C4orf51: variants seen among roughly 807,000 people sequenced by gnomAD.
C4orf51 encodes the protein uncharacterized protein C4orf51.
A neutral mutation model predicts 25.2 loss-of-function variants in C4orf51; 25 were observed. That is an observed-to-expected ratio of 0.99 (90% CI 0.72 to 1.39). The LOEUF (loss-of-function observed/expected upper bound fraction) is 1.39. C4orf51 is among the 40% of genes most tolerant of loss of function. The pLI is 0.00. For synonymous variants in C4orf51, 100 were observed against 84.5 expected, an observed-to-expected ratio of 1.18 and a Z score of -1.01; for missense variants, 252 against 239.6, an observed-to-expected ratio of 1.05 and a Z score of -0.34.
chr4:145,702,721 A>G (rs534326876), intron 2 of C4orf51, among the ~76,000 whole-genome samples: 170 of 152,344 alleles, frequency 1.1e-3, no homozygotes, highest in African/African-American at 3.8e-3. Context: ...CAGATGTCCT[A>G]GGTCCTCCCA....
At chr4:145,690,243 C>T (rs1407579982) in intron 1 of C4orf51, among the ~76,000 whole-genome samples, 2 of 151,966 alleles carry the variant, frequency 1.3e-5, no homozygotes, top group South Asian at 2.1e-4. Flanking sequence ...CGGTGGCTAA[C>T]GTCTGTAATC....
chr4:145,777,988 G>A, the C4orf51 span, among the ~76,000 whole-genome samples: 2 of 152,030 alleles, frequency 1.3e-5, no homozygotes, highest in Non-Finnish European at 2.9e-5. Flanking sequence ...CTCAGAGAAT[G>A]TGACCTTATA....
intron 2 of C4orf51, among the ~76,000 whole-genome samples, chr4:145,709,470 G>A (rs983505185): frequency 6.6e-6 from 1 of 152,204 alleles, no homozygotes; most frequent in African/African-American, 2.4e-5. Context: ...TAAATCTCAG[G>A]GGATACCTGC....
At chr4:145,724,409 A>G (rs1244389963) in intron 2 of C4orf51, among the ~76,000 whole-genome samples, 1 of 152,228 alleles carries the variant, frequency 6.6e-6, no homozygotes, top group Non-Finnish European at 1.5e-5. Flanking sequence ...CTTTAAAAAA[A>G]AAAAGTTTAT....
intron 3 of C4orf51, among the ~76,000 whole-genome samples, chr4:145,727,245 T>C (rs978524690): frequency 6.6e-6 from 1 of 152,110 alleles, no homozygotes; most frequent in African/African-American, 2.4e-5. Flanking sequence ...AAATTATATA[T>C]AATATACTGG....
At chr4:145,725,507 A>G (rs1399769960) in intron 2 of C4orf51, among the ~76,000 whole-genome samples, 1 of 152,240 alleles carries the variant, frequency 6.6e-6, no homozygotes, top group African/African-American at 2.4e-5. Flanking sequence ...AGCATTATCC[A>G]TAGCAGCCAA....
chr4:145,700,284 AC>A, intron 2 of C4orf51, among the ~76,000 whole-genome samples: 1 of 146,988 alleles, frequency 6.8e-6, no homozygotes. Flanking sequence ...CCGTGCCCTG[AC>A]CCCCCTCCCT....
intron 2 of C4orf51, among the ~76,000 whole-genome samples, chr4:145,711,359 A>G (rs961755601): frequency 6.6e-6 from 1 of 152,180 alleles, no homozygotes; most frequent in African/African-American, 2.4e-5. Context: ...TGGGGCTCTA[A>G]CAGCTCGCCT....
chr4:145,791,832 A>T, the C4orf51 span, among the ~76,000 whole-genome samples: 1 of 152,356 alleles, frequency 6.6e-6, no homozygotes, highest in African/African-American at 2.4e-5. Context: ...CTCATTTTAT[A>T]GATGAGACAA....
At position 145,688,936 on chromosome 4, in the gene C4orf51, C is replaced by A. The variant is rs139254764; in HGVS notation, c.234-7623C>A. ...ACAAAAAGGTGAGGTCTTGTTCTAC[C>A]AACAACAAACATATTATAAAGCTTC... On this transcript the variant is annotated intron_variant, in intron 1 of 5. Coordinates refer to ENST00000438731, the MANE Select transcript of C4orf51 (RefSeq NM_001080531.3). Among the ~76,000 whole-genome samples, 781 of 152,162 alleles carry A rather than the reference C, an allele frequency of 5.1e-3. 3 individuals are homozygous for A. The highest frequency in any genetic ancestry group is 0.017 in the African/African-American group (717 of 41,512).
chr4:145,760,397 T>C (rs1734320304), intron 1 of C4orf51: 1 of 152,822 alleles, frequency 6.5e-6, no homozygotes, highest in South Asian at 2.1e-4. Flanking sequence ...TGCACCAGTA[T>C]ATAAGCTTAC....
At chr4:145,741,352 A>G (rs1733086563) in intron 1 of C4orf51, among the ~76,000 whole-genome samples, 1 of 152,042 alleles carries the variant, frequency 6.6e-6, no homozygotes, top group African/African-American at 2.4e-5. Flanking sequence ...TTTTATTTTA[A>G]AACTTTTTTG....
chr4:145,723,387 G>A (rs1270280697), intron 2 of C4orf51, among the ~76,000 whole-genome samples: 1 of 151,950 alleles, frequency 6.6e-6, no homozygotes, highest in East Asian at 1.9e-4. Context: ...TGACAGGCAG[G>A]TGGGAGATGA....
the C4orf51 span, among the ~76,000 whole-genome samples, chr4:145,781,068 C>T: frequency 2.6e-5 from 4 of 151,672 alleles, no homozygotes; most frequent in Admixed American, 6.6e-5. Flanking sequence ...TGGTGGCGGG[C>T]GCCTGAAATC....
downstream of C4orf51, among the ~76,000 whole-genome samples, chr4:145,735,318 A>C (rs1732748349): frequency 6.6e-6 from 1 of 152,214 alleles, no homozygotes; most frequent in African/African-American, 2.4e-5. Context: ...GCAAAATAGT[A>C]GACTTTGCAT....
At chr4:145,697,479 T>C (rs540034683) in intron 2 of C4orf51, among the ~76,000 whole-genome samples, 3 of 152,368 alleles carry the variant, frequency 2.0e-5, no homozygotes, top group East Asian at 1.9e-4. Flanking sequence ...ATTCATCTTA[T>C]AACTGAAAGT....
At chr4:145,696,475 T>G in intron 1 of C4orf51, 84 bp from the exon 2 acceptor site, 1 of 1,120,356 alleles carries the variant, frequency 8.9e-7, no homozygotes, top group Non-Finnish European at 1.3e-6. Flanking sequence ...AAAAGATGAA[T>G]GGAAATCCCT....
At chr4:145,751,952 C>T (rs562086012) in intron 1 of C4orf51, among the ~76,000 whole-genome samples, 19 of 152,272 alleles carry the variant, frequency 1.2e-4, no homozygotes, top group Admixed American at 6.5e-4. Flanking sequence ...TGGTGGGTAC[C>T]GCCAGGTGAC....
chr4:145,690,131 C>A lies in C4orf51; in HGVS notation c.234-6428C>A, dbSNP rs187160896. 1.5e-3 allele frequency among the ~76,000 whole-genome samples: 232 copies of A among 151,042 alleles called. 1 individual carries two copies. Among genetic ancestry groups the A allele is most frequent in the African/African-American group, 5.4e-3 (222 of 41,080 alleles). ...CTGAGGCAGGAGAATCACTTGAACC[C>A]GGGAGGCGGAGGTTGCAGTGAGCTG... On this transcript the variant is annotated intron_variant, in intron 1 of 5. Transcript: ENST00000438731.
Sources: gnomAD v4.1 joint callset for allele counts (sites outside exome capture counted in the v4.1 genomes callset) on GRCh38, gnomAD v4.1.1 for gene constraint, MANE v1.5 for transcripts, NCBI Gene and HGNC (gene_info 2026-07-23, HGNC 2026-07-21) for gene names.